Variants in ARHGAP6 observed in about 807,000 individuals in gnomAD.
The protein encoded by ARHGAP6 is Rho GTPase activating protein 6.
ARHGAP6 carries 16 observed loss-of-function variants against 55.7 expected under a neutral mutation model. The observed-to-expected ratio is 0.29, with a 90% CI of 0.19 to 0.44. The LOEUF is 0.44. Among genes scored for constraint, ARHGAP6 ranks in the 20% least tolerant of loss-of-function variants. The probability of loss-of-function intolerance (pLI) is 1.00; values close to 1 mark genes in which losing one functional copy is unlikely to be tolerated. For synonymous variants in ARHGAP6, 382 were observed against 360.9 expected (o/e 1.06, Z -0.66); for missense variants, 698 against 808.9 (o/e 0.86, Z 1.66).
chrX:11,436,542 T>C, intron 1 of ARHGAP6, among the ~76,000 whole-genome samples: 1 of 112,311 alleles, frequency 8.9e-6, no homozygotes, highest in Non-Finnish European at 1.9e-5. Context: ...CCTAGGTATA[T>C]AGCCAAGAGA....
intron 1 of ARHGAP6, among the ~76,000 whole-genome samples, chrX:11,514,433 G>A (rs148255674): frequency 3.7e-3 from 402 of 109,449 alleles, no homozygotes; most frequent in Non-Finnish European, 5.9e-3. Context: ...ATATCCTCTC[G>A]GGATATCCTA....
chrX:11,394,865 A>G (rs2049457714), intron 1 of ARHGAP6, among the ~76,000 whole-genome samples: 1 of 111,936 alleles, frequency 8.9e-6, no homozygotes, highest in Non-Finnish European at 1.9e-5. Context: ...CTGAACAACT[A>G]TCAGGATTGG....
intron 1 of ARHGAP6, among the ~76,000 whole-genome samples, chrX:11,604,027 T>A (rs1465391515): frequency 9.0e-6 from 1 of 111,377 alleles, no homozygotes; most frequent in Non-Finnish European, 1.9e-5. Flanking sequence ...AAGCCCAGGA[T>A]GAAAGAGTAG....
At chrX:11,398,391 C>T (rs2049507511) in intron 1 of ARHGAP6, among the ~76,000 whole-genome samples, 1 of 109,762 alleles carries the variant, frequency 9.1e-6, no homozygotes, top group African/African-American at 3.3e-5. Context: ...TTGATTTTTC[C>T]TTAACACAAA....
chrX:11,447,166 A>G (rs2050100524), intron 1 of ARHGAP6, among the ~76,000 whole-genome samples: 2 of 111,987 alleles, frequency 1.8e-5, no homozygotes, highest in Admixed American at 9.5e-5. Flanking sequence ...TCAAGGGAGT[A>G]AGTTAAGATG....
intron 1 of ARHGAP6, among the ~76,000 whole-genome samples, chrX:11,280,217 A>G (rs2047837665): frequency 1.8e-5 from 2 of 111,788 alleles, no homozygotes; most frequent in Admixed American, 1.9e-4. Context: ...AAGACATGCA[A>G]ATGGCTCTCA....
At chrX:11,562,898 T>C (rs1169612146) in intron 1 of ARHGAP6, among the ~76,000 whole-genome samples, 3 of 112,424 alleles carry the variant, frequency 2.7e-5, no homozygotes, top group African/African-American at 9.7e-5. Flanking sequence ...TATGTTAATT[T>C]GATTCACCTT....
intron 1 of ARHGAP6, among the ~76,000 whole-genome samples, chrX:11,384,427 A>AC (rs1187991138): frequency 1.3e-4 from 15 of 112,085 alleles, no homozygotes; most frequent in Non-Finnish European, 2.8e-4. Flanking sequence ...ACAACAAAAA[A>AC]CTCTGTGAAA....
At chrX:11,383,607 A>G (rs1439562850) in intron 1 of ARHGAP6, among the ~76,000 whole-genome samples, 2 of 111,341 alleles carry the variant, frequency 1.8e-5, no homozygotes, top group Non-Finnish European at 3.8e-5. Context: ...TCCTAAATCT[A>G]TAGTCTCAGG....
intron 2 of ARHGAP6, among the ~76,000 whole-genome samples, chrX:11,200,207 T>C (rs2046599772): frequency 8.9e-6 from 1 of 112,828 alleles, no homozygotes; most frequent in Non-Finnish European, 1.9e-5. Context: ...GCTTGCTAAC[T>C]GCTCCCAGTG....
chrX:11,591,186 G>A (rs1000712847), intron 1 of ARHGAP6, among the ~76,000 whole-genome samples: 1 of 107,487 alleles, frequency 9.3e-6, no homozygotes, highest in East Asian at 2.9e-4. Context: ...AGCAAGACTC[G>A]TCTCAAAAAA....
intron 1 of ARHGAP6, among the ~76,000 whole-genome samples, chrX:11,484,535 G>GGAGGAAGAAGAGAAGGAAAAA (rs2050491738): frequency 1.0e-5 from 1 of 96,870 alleles, no homozygotes; most frequent in Non-Finnish European, 2.0e-5. Context: ...CAGAGGAGGA[G>GGAGGAAGAAGAGAAGGAAAAA]GAGGAAGAAG....
In ARHGAP6 at chrX:11,458,545, G is replaced by A. The variant is rs755054223; in HGVS notation, c.589-203838C>T. Among the ~76,000 whole-genome samples, 5 of 112,309 alleles carry A rather than the reference G, an allele frequency of 4.5e-5. No homozygotes were observed. The East Asian group carries it at 1.4e-3, about 31-fold the overall frequency. On this transcript the variant is annotated intron_variant, in intron 1 of 12. Transcript: ENST00000337414. ...GTCTTGGAGTAGCACCAACTAAACT[G>A]TGTATATTGTGACAAGCTACATCTC...
intron 1 of ARHGAP6, among the ~76,000 whole-genome samples, chrX:11,280,092 C>G (rs1393645326): frequency 9.0e-6 from 1 of 111,482 alleles, no homozygotes; most frequent in Admixed American, 9.5e-5. Flanking sequence ...CACAGAACGG[C>G]CCCCACAGCA....
At chrX:11,269,351 T>G (rs894724023) in intron 1 of ARHGAP6, among the ~76,000 whole-genome samples, 4 of 111,835 alleles carry the variant, frequency 3.6e-5, no homozygotes, top group Admixed American at 2.9e-4. Context: ...AAATTGCTCT[T>G]TATATATTGT....
chrX:11,195,698 A>C (rs751917298), intron 3 of ARHGAP6, among the ~76,000 whole-genome samples: 1 of 109,877 alleles, frequency 9.1e-6, no homozygotes, highest in Non-Finnish European at 1.9e-5. Context: ...TTGAAAAACC[A>C]CTTATTGGGT....
intron 1 of ARHGAP6, among the ~76,000 whole-genome samples, chrX:11,423,968 T>C (rs1268227046): frequency 8.9e-6 from 1 of 112,647 alleles, no homozygotes; most frequent in East Asian, 2.8e-4. Context: ...GACATAAAGA[T>C]ATTGCATTGA....
At chrX:11,483,657 C>A (rs764071321) in intron 1 of ARHGAP6, among the ~76,000 whole-genome samples, 3 of 103,323 alleles carry the variant, frequency 2.9e-5, no homozygotes, top group Non-Finnish European at 6.0e-5. Context: ...TTTTTTTTTT[C>A]TTTTCTTTTC....
chrX:11,352,931 C>T (rs899223463), intron 1 of ARHGAP6, among the ~76,000 whole-genome samples: 6 of 111,574 alleles, frequency 5.4e-5, no homozygotes, highest in African/African-American at 2.0e-4. Context: ...TGCATATGCA[C>T]ATATATATAA....
Sources: allele counts gnomAD v4.1 joint callset (sites outside exome capture counted in the v4.1 genomes callset), GRCh38; gene constraint gnomAD v4.1.1; transcripts MANE v1.5; gene names NCBI Gene and HGNC (gene_info 2026-07-23, HGNC 2026-07-21).